Variants in DOLPP1 observed in about 807,000 individuals in gnomAD.
DOLPP1 encodes dolichyldiphosphatase 1.
A neutral mutation model predicts 34.1 loss-of-function variants in DOLPP1; 15 were observed. The observed-to-expected ratio is 0.44, with a 90% CI of 0.29 to 0.68. The LOEUF (loss-of-function observed/expected upper bound fraction) is 0.68. Among genes scored for constraint, DOLPP1 ranks in the 30% least tolerant of loss-of-function variants. DOLPP1 has a pLI of 0.12. For synonymous variants in DOLPP1, 130 were observed against 128.2 expected (o/e 1.01, Z -0.10); for missense variants, 249 against 307.1 (o/e 0.81, Z 1.41).
At position 129,089,974 on chromosome 9, in the gene DOLPP1, C is replaced by G. The variant is rs1178745715; in HGVS notation, c.*967C>G. 1 of 152,440 alleles carries G rather than the reference C, an allele frequency of 6.6e-6. No individual in the cohort carries two copies. Among genetic ancestry groups the G allele is most frequent in the African/African-American group, 2.4e-5 (1 of 41,456 alleles). The allele number at this position is 152,440 out of a possible 1,614,324, so 9.4% of individuals were successfully genotyped here. On this transcript the variant is annotated 3_prime_UTR_variant, in exon 8 of 8. Coordinates refer to ENST00000372546, the MANE Select transcript of DOLPP1 (RefSeq NM_020438.5). The surrounding 1 kb of genome is among the most constrained non-coding windows in gnomAD (Gnocchi z 4.9). ...CCAGCTGGGAACCTGCTTGGGGTCCCCCTCAAACCTGTGTCTGGGGTGTGG... is the reference window on the plus strand; with the variant it reads ...CCAGCTGGGAACCTGCTTGGGGTCCGCCTCAAACCTGTGTCTGGGGTGTGG...
Position 129,085,384 on chromosome 9 carries a change from G to T in DOLPP1, c.362+78G>T. 6.5e-7 allele frequency: 1 copy of T among 1,529,006 alleles called. No individual in the cohort carries two copies. The allele number at this position is 1,529,006 out of a possible 1,614,324, so 94.7% of individuals were successfully genotyped here. ...GCTAGGGACTCACTGCTAGCCCTTT[G>T]GATGCCCCTGGGGTGGGAGGGGCTG... is the stretch of plus-strand genomic sequence containing the variant. On this transcript the variant is annotated intron_variant, in intron 4 of 7. Transcript: ENST00000372546. The surrounding 1 kb of genome is among the most constrained non-coding windows in gnomAD (Gnocchi z 7.0).
chr9:129,084,081 T>C (rs979687516), intron 1 of DOLPP1, among the ~76,000 whole-genome samples: 1 of 152,252 alleles, frequency 6.6e-6, no homozygotes, highest in African/African-American at 2.4e-5. Context: ...CGTCGCCCTA[T>C]TGGGCTTGGT....
chr9:129,086,789 C>T lies in DOLPP1; in HGVS notation c.671C>T (p.Ala224Val), dbSNP rs1846998803. 6.2e-7 allele frequency: 1 copy of T among 1,613,462 alleles called. No individual in the cohort carries two copies. Among genetic ancestry groups the T allele is most frequent in the Non-Finnish European group, 8.5e-7 (1 of 1,179,982 alleles). ...TGGTTTGAGTACACGGTAACCCGGG[C>T]AGAAGCCAGGTGAGTTCAGGGGACA... is the stretch of plus-strand genomic sequence containing the variant. ...VLWFEYTVTR[A>V]EARNRQRKLG... Residue 224 changes from alanine to valine, a missense_variant, in exon 7 of 8, where the codon GCA becomes GTA. By Grantham distance (64) the Ala-to-Val change is moderately conservative. Transcript: ENST00000372546.
rs1400996303 is a variant in DOLPP1 at position 129,089,091 on chromosome 9, G to A, written c.*84G>A. ...GGACAGGATGACAGACAGGGACGAA[G>A]CAGAGACCTCTACAGACCCAAGTCA... On this transcript the variant is annotated 3_prime_UTR_variant, in exon 8 of 8. Transcript: ENST00000372546. This position sits in a 1 kb window ranked among gnomAD's most constrained non-coding sequence, Gnocchi z 4.9. 4 of 1,450,920 alleles carry A rather than the reference G, an allele frequency of 2.8e-6. No homozygotes were observed. The African/African-American group carries it at 4.2e-5, about 15-fold the overall frequency. 89.9% of individuals were successfully genotyped at this position (1,450,920 alleles called of 1,614,324 possible). A position where few individuals can be genotyped will look rare whatever the true frequency, so the allele number is the denominator to read the frequency against.
intron 7 of DOLPP1, among the ~76,000 whole-genome samples, chr9:129,088,295 G>C (rs1847032475): frequency 6.6e-6 from 1 of 152,140 alleles, no homozygotes; most frequent in Non-Finnish European, 1.5e-5. Context: ...CGGGGCTGGA[G>C]CCCAGGGAGC....
In DOLPP1 at chr9:129,089,045, C is replaced by T. The variant is rs889203276; in HGVS notation, c.*38C>T. The T allele has an allele frequency of 6.2e-7, 1 of 1,607,674 alleles. No individual in the cohort carries two copies. Among genetic ancestry groups the T allele is most frequent in the Admixed American group, 1.7e-5 (1 of 59,974 alleles). ...GCTGGGTCCAGCCTCCAGATCTGGC[C>T]CGCACGATGCCTTGCAGGATGGACA... On this transcript the variant is annotated 3_prime_UTR_variant, in exon 8 of 8. Transcript: ENST00000372546. The surrounding 1 kb of genome is among the most constrained non-coding windows in gnomAD (Gnocchi z 4.9).
rs374119175 is a variant in DOLPP1, at chr9:129,081,147, C to G, written c.16C>G (p.Gln6Glu). MAADGQCSLPASWRPV... is the reference protein window; with the variant it reads MAADGECSLPASWRPV... The stretch of plus-strand genomic sequence containing the variant: ...TCCGGGTAAGATGGCAGCGGACGGA[C>G]AGTGCTCGCTCCCCGCTTCATGGCG... Residue 6 changes from glutamine to glutamate, a missense_variant, in exon 1 of 8, where the codon CAG (glutamine) becomes GAG (glutamate). Coordinates refer to ENST00000372546, the MANE Select transcript of DOLPP1 (RefSeq NM_020438.5). The G allele has an allele frequency of 6.8e-6, 11 of 1,609,294 alleles. No homozygotes were observed. The African/African-American group carries it at 1.2e-4, about 18-fold the overall frequency.
intron 1 of DOLPP1, among the ~76,000 whole-genome samples, chr9:129,082,664 C>T (rs1295468662): frequency 6.6e-6 from 1 of 152,202 alleles, no homozygotes; most frequent in African/African-American, 2.4e-5. Context: ...GAGCCTGGAG[C>T]ATCTGGTGAG....
At chr9:129,088,898 G>C in intron 7 of DOLPP1, 73 bp from the exon 8 acceptor site, 2 of 1,507,894 alleles carry the variant, frequency 1.3e-6, no homozygotes, top group Non-Finnish European at 1.8e-6. Flanking sequence ...TTGGGACTAC[G>C]GGTGGGGTGG....
At chr9:129,082,476 T>C (rs1846908674) in intron 1 of DOLPP1, among the ~76,000 whole-genome samples, 1 of 152,200 alleles carries the variant, frequency 6.6e-6, no homozygotes, top group Non-Finnish European at 1.5e-5. Context: ...AACCAGCTGC[T>C]TTATAAGAGG....
chr9:129,084,792 T>TGC, intron 2 of DOLPP1, 24 bp downstream of exon 2: 6 of 1,160,858 alleles, frequency 5.2e-6, no homozygotes, highest in Middle Eastern at 3.2e-4. Flanking sequence ...GCCCACACCC[T>TGC]CCCCACCCCA....
At chr9:129,088,155 T>G (rs1212934992) in intron 7 of DOLPP1, among the ~76,000 whole-genome samples, 18 of 7,660 alleles carry the variant, frequency 2.3e-3, no homozygotes, top group East Asian at 0.01. Context: ...TGGGGGGGGA[T>G]GGGGGGATGG....
At position 129,089,085 on chromosome 9, in the gene DOLPP1, G is replaced by A; in HGVS notation, c.*78G>A. On this transcript the variant is annotated 3_prime_UTR_variant, in exon 8 of 8. Transcript: ENST00000372546. This position sits in a 1 kb window ranked among gnomAD's most constrained non-coding sequence, Gnocchi z 4.9. ...CAGGATGGACAGGATGACAGACAGG[G>A]ACGAAGCAGAGACCTCTACAGACCC... The A allele has an allele frequency of 2.7e-6, 4 of 1,504,262 alleles. No homozygotes were observed. In the South Asian group the frequency reaches 4.5e-5, roughly 17 times the overall value. The allele number at this position is 1,504,262 out of a possible 1,614,324, so 93.2% of individuals were successfully genotyped here. A position where few individuals can be genotyped will look rare whatever the true frequency, so the allele number is the denominator to read the frequency against.
chr9:129,083,321 A>G (rs1031315322), intron 1 of DOLPP1, among the ~76,000 whole-genome samples: 5 of 152,126 alleles, frequency 3.3e-5, no homozygotes, highest in African/African-American at 9.7e-5. Flanking sequence ...GTCACTCACT[A>G]TCTTCATAGC....
chr9:129,088,632 C>T (rs1847038898), intron 7 of DOLPP1, among the ~76,000 whole-genome samples: 2 of 152,206 alleles, frequency 1.3e-5, no homozygotes, highest in African/African-American at 4.8e-5. Flanking sequence ...CTTGTGCTGC[C>T]TCGTCTATAA....
rs980490774 is a variant in DOLPP1 at position 129,086,165 on chromosome 9, G to T, written c.488G>T (p.Ser163Ile). 6.2e-7 allele frequency: 1 copy of T among 1,613,160 alleles called. No individual in the cohort carries two copies. Among genetic ancestry groups the T allele is most frequent in the Admixed American group, 1.7e-5 (1 of 59,994 alleles). ...SRVYLLYHTWSQVLYGGIAGG... is the reference protein window; with the variant it reads ...SRVYLLYHTWIQVLYGGIAGG... ...GTCTACCTGCTGTACCACACCTGGAGCCAGGTGCTCTATGGAGGCATCGCT... is the reference window on the plus strand; with the variant it reads ...GTCTACCTGCTGTACCACACCTGGATCCAGGTGCTCTATGGAGGCATCGCT... The change falls in exon 6 of 8, where the codon AGC becomes ATC. Residue 163 changes from serine to isoleucine, a missense_variant. Coordinates refer to ENST00000372546, the MANE Select transcript of DOLPP1 (RefSeq NM_020438.5).
intron 1 of DOLPP1, among the ~76,000 whole-genome samples, chr9:129,084,229 C>G (rs1047096858): frequency 6.6e-6 from 1 of 152,108 alleles, no homozygotes; most frequent in Admixed American, 6.5e-5. Context: ...GGGCTGCCTC[C>G]CAGGTCCCAG....
chr9:129,086,574 G>T, intron 6 of DOLPP1, 135 bp from the exon 7 acceptor site: 1 of 934,376 alleles, frequency 1.1e-6, no homozygotes, highest in South Asian at 1.5e-5. Context: ...GTGGCTCTGG[G>T]GTCTCAGGCC....
rs751366854 is a variant in DOLPP1 at position 129,084,784 on chromosome 9, C to T, written c.177+16C>T. On this transcript the variant is annotated intron_variant, in intron 2 of 7. Transcript: ENST00000372546. ...GCTGCACACGGTGAGTCTGTCTTGCCCACACCCTCCCCACCCCACCCCCAG... is the reference window on the plus strand; with the variant it reads ...GCTGCACACGGTGAGTCTGTCTTGCTCACACCCTCCCCACCCCACCCCCAG... 16 of 1,573,176 alleles carry T rather than the reference C, an allele frequency of 1.0e-5. No individual in the cohort carries two copies. The South Asian group carries it at 1.6e-4, about 15-fold the overall frequency.
Sources: gnomAD v4.1 joint callset for allele counts (sites outside exome capture counted in the v4.1 genomes callset) on GRCh38, gnomAD v4.1.1 for gene constraint, Gnocchi (gnomAD v3.1) non-coding constraint, MANE v1.5 for transcripts, NCBI Gene and HGNC (gene_info 2026-07-23, HGNC 2026-07-21) for gene names.